BDP1: variants seen among roughly 807,000 people sequenced by gnomAD.
The protein encoded by BDP1 is transcription factor TFIIIB component B'' homolog.
In BDP1, 169 loss-of-function variants were observed where a neutral mutation model predicts 266.6. That is an observed-to-expected ratio of 0.63 (90% CI 0.56 to 0.72). BDP1 has a LOEUF of 0.72. Among genes scored for constraint, BDP1 ranks in the 30% least tolerant of loss-of-function variants. The pLI, the probability that BDP1 is intolerant of heterozygous loss-of-function variation, is 0.00. For synonymous variants in BDP1, 1,090 were observed against 1,022.4 expected (o/e 1.07, Z -1.26); for missense variants, 3,015 against 3,053.8 (o/e 0.99, Z 0.30).
chr5:71,563,304 C>T (rs1265052834), intron 38 of BDP1, among the ~76,000 whole-genome samples: 1 of 152,136 alleles, frequency 6.6e-6, no homozygotes, highest in Non-Finnish European at 1.5e-5. Flanking sequence ...CATGCCACAA[C>T]ACCCAGCTAA....
chr5:71,505,585 G>T (rs1266667833), intron 16 of BDP1, among the ~76,000 whole-genome samples: 1 of 152,178 alleles, frequency 6.6e-6, no homozygotes, highest in Non-Finnish European at 1.5e-5. Flanking sequence ...TTTAATGTGC[G>T]CAAAAGTGCA....
intron 36 of BDP1, among the ~76,000 whole-genome samples, chr5:71,558,667 A>T (rs1743401654): frequency 6.6e-6 from 1 of 151,476 alleles, no homozygotes; most frequent in African/African-American, 2.4e-5. Context: ...CTCTACTAAA[A>T]ATACAAAAAT....
At position 71,548,789 on chromosome 5, in the gene BDP1, A is replaced by G. The variant is rs536786890; in HGVS notation, c.6808+44A>G. 3.8e-5 allele frequency: 52 copies of G among 1,356,544 alleles called. 1 individual carries two copies. The South Asian group carries it at 5.7e-4, about 15-fold the overall frequency. 84.0% of individuals were successfully genotyped at this position (1,356,544 alleles called of 1,614,324 possible). A position where few individuals can be genotyped will look rare whatever the true frequency, so the allele number is the denominator to read the frequency against. On this transcript the variant is annotated intron_variant, in intron 33 of 38. Coordinates refer to ENST00000358731, the MANE Select transcript of BDP1 (RefSeq NM_018429.3). ...GTGACATGTCATAGAACTTAGTTGT[A>G]TGATTTTTACCCCTTATTTAACTAT... is the stretch of plus-strand genomic sequence containing the variant.
At chr5:71,492,408 CTTTTA>C (rs1763650070) in intron 11 of BDP1, among the ~76,000 whole-genome samples, 2 of 152,068 alleles carry the variant, frequency 1.3e-5, no homozygotes, top group South Asian at 2.1e-4. Context: ...TACTTGTTAT[CTTTTA>C]TTTTATTAAT....
downstream of BDP1, among the ~76,000 whole-genome samples, chr5:71,572,319 C>T (rs1196541378): frequency 2.6e-5 from 4 of 151,552 alleles, no homozygotes; most frequent in Non-Finnish European, 4.4e-5. Context: ...TTCAGTCCAC[C>T]AGGGATCCTG....
At chr5:71,468,169 C>T (rs1321722973) in intron 6 of BDP1, among the ~76,000 whole-genome samples, 1 of 152,028 alleles carries the variant, frequency 6.6e-6, no homozygotes, top group Non-Finnish European at 1.5e-5. Context: ...CAGGCATCTG[C>T]CACCACCCCC....
At chr5:71,553,420 T>C (rs1468300454) in intron 35 of BDP1, 100 bp downstream of exon 35, 5 of 734,788 alleles carry the variant, frequency 6.8e-6, no homozygotes, top group South Asian at 6.2e-5. Flanking sequence ...CTTTAAACTT[T>C]TAGATATATA....
the BDP1 span, among the ~76,000 whole-genome samples, chr5:71,578,068 C>T: frequency 0.031 from 4,711 of 152,228 alleles, 254 homozygotes; most frequent in African/African-American, 0.11. Context: ...TGAGGGCCAT[C>T]GCTCCCTGGC....
rs998250862 is a variant in BDP1, at chr5:71,509,327, C to G, written c.2373-138C>G. On this transcript the variant is annotated intron_variant, in intron 16 of 38. Transcript: ENST00000358731. ...TTTTTCTTTTAATTTTTAAATTTTA[C>G]CCAGCGATTCCTAGGCCTTCCTTAA... is the stretch of plus-strand genomic sequence containing the variant. The G allele has an allele frequency of 4.6e-6, 4 of 868,106 alleles. No homozygotes were observed. The Admixed American group carries it at 1.2e-4, about 26-fold the overall frequency. 53.8% of individuals were successfully genotyped at this position (868,106 alleles called of 1,614,324 possible).
At chr5:71,577,981 A>G in the BDP1 span, among the ~76,000 whole-genome samples, 1 of 152,218 alleles carries the variant, frequency 6.6e-6, no homozygotes, top group Non-Finnish European at 1.5e-5. Flanking sequence ...TGGAGGCTAC[A>G]TGATCAAACA....
chr5:71,518,966 C>T (rs1403732876), intron 22 of BDP1, among the ~76,000 whole-genome samples: 1 of 150,316 alleles, frequency 6.7e-6, no homozygotes, highest in African/African-American at 2.5e-5. Flanking sequence ...ATTGCAGGCA[C>T]CCACCACCAC....
In BDP1 at chr5:71,509,845, T is replaced by A. The variant is rs1157299784; in HGVS notation, c.2753T>A (p.Val918Glu). The change falls in exon 17 of 39, where the codon GTG becomes GAG. Residue 918 changes from valine to glutamate, a missense_variant. By Grantham distance (121) the Val-to-Glu change is moderately radical. Transcript: ENST00000358731. ...EICLREKTPE[V>E]IDATEEIDKD... is the part of the protein sequence containing the mutation. ...TGTCTAAGGGAGAAGACGCCAGAGG[T>A]GATTGATGCCACTGAGGAAATAGAC... 6.2e-7 allele frequency: 1 copy of A among 1,613,798 alleles called. No homozygotes were observed. Among genetic ancestry groups the A allele is most frequent in the African/African-American group, 1.3e-5 (1 of 74,940 alleles).
At position 71,455,890 on chromosome 5, in the gene BDP1, G is replaced by A; in HGVS notation, c.13G>A (p.Ala5Thr). MFRR[A>T]RLSVKPNVRP... ...CCCTGCCTCCGCCATGTTCCGCAGG[G>A]CACGCCTTAGCGTGAAGCCGAATGT... Residue 5 changes from alanine (A) to threonine (T), a missense_variant, in exon 1 of 39, where the codon GCA becomes ACA. Ala to Thr is a moderately conservative substitution (Grantham distance 58). Transcript: ENST00000358731. 3 of 1,591,382 alleles carry A rather than the reference G, an allele frequency of 1.9e-6. No homozygotes were observed. The highest frequency in any genetic ancestry group is 2.6e-6 in the Non-Finnish European group (3 of 1,169,342).
Position 71,524,057 on chromosome 5 carries a change from T to G in BDP1, c.5506T>G (p.Phe1836Val), listed in dbSNP as rs748643748. ...NRGERRSHKK[F>V]KPNVTRGRGS... ...TGGTGAAAGGAGAAGTCATAAAAAG[T>G]TCAAACCAAATGTCACCAGAGGTCG... The change falls in exon 25 of 39, where the codon TTC becomes GTC. Residue 1836 changes from phenylalanine to valine, a missense_variant. Phe to Val is a conservative substitution (Grantham distance 50). Transcript: ENST00000358731. 6.2e-7 allele frequency: 1 copy of G among 1,614,158 alleles called. No individual in the cohort carries two copies. The highest frequency in any genetic ancestry group is 1.3e-5 in the African/African-American group (1 of 75,036).
intron 23 of BDP1, 32 bp from the exon 24 acceptor site, chr5:71,522,724 G>A (rs368293419): frequency 4.5e-6 from 7 of 1,558,276 alleles, no homozygotes; most frequent in African/African-American, 4.1e-5. Flanking sequence ...TGTTTCTGTA[G>A]TAATACTAGC....
the BDP1 span, among the ~76,000 whole-genome samples, chr5:71,574,661 G>A: frequency 8.6e-5 from 13 of 152,014 alleles, no homozygotes; most frequent in African/African-American, 2.7e-4. Flanking sequence ...TCCCAGGAGT[G>A]ATTGACTCTG....
At chr5:71,502,493 A>C (rs575537788) in intron 14 of BDP1, 106 bp from the exon 15 acceptor site, 111 of 1,075,556 alleles carry the variant, frequency 1.0e-4, no homozygotes, top group African/African-American at 7.8e-4. Context: ...CTTTTCAGGA[A>C]ACTTGTGAAT....
intron 6 of BDP1, among the ~76,000 whole-genome samples, chr5:71,468,136 A>G (rs1292421261): frequency 6.6e-6 from 1 of 152,002 alleles, no homozygotes; most frequent in African/African-American, 2.4e-5. Flanking sequence ...CTCCTGCCTC[A>G]GCTTCCCAAG....
At chr5:71,576,756 G>C in the BDP1 span, among the ~76,000 whole-genome samples, 5 of 152,148 alleles carry the variant, frequency 3.3e-5, no homozygotes, top group Admixed American at 2.6e-4. Context: ...TATAACACTG[G>C]GATCCAATCC....
Sources: allele counts gnomAD v4.1 joint callset (sites outside exome capture counted in the v4.1 genomes callset), GRCh38; gene constraint gnomAD v4.1.1; transcripts MANE v1.5; gene names NCBI Gene and HGNC (gene_info 2026-07-23, HGNC 2026-07-21).